The following NEGR1 variants were observed in gnomAD, a reference collection of about 807,000 sequenced individuals.
NEGR1 encodes the protein IgLON family member 4.
NEGR1 carries 10 observed loss-of-function variants against 40.9 expected under a neutral mutation model. The observed-to-expected ratio is 0.24, with a 90% CI of 0.15 to 0.42. The LOEUF (loss-of-function observed/expected upper bound fraction) is 0.42, where lower values mean the gene tolerates loss of function less well. Ranked by LOEUF, NEGR1 falls within the 10% of genes least tolerant of loss-of-function variation. The probability of loss-of-function intolerance (pLI) is 1.00; values close to 1 mark genes in which losing one functional copy is unlikely to be tolerated. For missense variants in NEGR1, 352 were observed against 438.9 expected (o/e 0.80, Z 1.77); for synonymous variants, 185 against 166.8 (o/e 1.11, Z -0.84).
intron 4 of NEGR1, among the ~76,000 whole-genome samples, chr1:71,620,849 A>T (rs894512507): frequency 6.6e-6 from 1 of 151,912 alleles, no homozygotes; most frequent in Non-Finnish European, 1.5e-5. Flanking sequence ...TTGCAGTGCA[A>T]CAAACGTAGC....
intron 1 of NEGR1, among the ~76,000 whole-genome samples, chr1:72,070,479 A>G (rs1405468945): frequency 6.6e-6 from 1 of 152,036 alleles, no homozygotes; most frequent in Admixed American, 6.6e-5. Context: ...CCCATGTTTC[A>G]ATTTTATTGC....
chr1:71,479,467 C>T (rs1476592064), intron 6 of NEGR1, among the ~76,000 whole-genome samples: 1 of 151,928 alleles, frequency 6.6e-6, no homozygotes, highest in Non-Finnish European at 1.5e-5. Flanking sequence ...AGAAAAAAGT[C>T]ATTATAAAAG....
chr1:71,914,024 A>C lies in NEGR1; in HGVS notation c.409+21055T>G, dbSNP rs1049719546. ...CATAACAATTGCTAAATTTAAAACA[A>C]AGACATTCTAATTTGAACAATATAA... On this transcript the variant is annotated intron_variant, in intron 2 of 6. Coordinates refer to ENST00000357731, the MANE Select transcript of NEGR1 (RefSeq NM_173808.3). 8.3e-4 allele frequency among the ~76,000 whole-genome samples: 126 copies of C among 152,174 alleles called. 1 individual carries two copies. Among genetic ancestry groups the C allele is most frequent in the African/African-American group, 3.0e-3 (124 of 41,438 alleles).
chr1:71,883,392 A>G (rs575909348), intron 2 of NEGR1, among the ~76,000 whole-genome samples: 1 of 152,230 alleles, frequency 6.6e-6, no homozygotes, highest in East Asian at 1.9e-4. Context: ...CTAATTTTAG[A>G]AGCTTTGTTA....
intron 1 of NEGR1, among the ~76,000 whole-genome samples, chr1:71,943,974 T>G (rs1434250475): frequency 6.6e-6 from 1 of 152,186 alleles, no homozygotes; most frequent in African/African-American, 2.4e-5. Context: ...CAAATTTGAG[T>G]GGTTTAAGGC....
At chr1:71,710,181 A>G (rs1300156924) in intron 3 of NEGR1, among the ~76,000 whole-genome samples, 1 of 152,204 alleles carries the variant, frequency 6.6e-6, no homozygotes, top group African/African-American at 2.4e-5. Flanking sequence ...AATCAAACCT[A>G]CTGTTATTAC....
At chr1:71,816,512 G>A (rs1658218402) in intron 2 of NEGR1, among the ~76,000 whole-genome samples, 1 of 151,952 alleles carries the variant, frequency 6.6e-6, no homozygotes, top group Non-Finnish European at 1.5e-5. Flanking sequence ...TTGTGCAGGG[G>A]AACTGCCCTT....
chr1:71,693,222 A>C (rs1015465371), intron 4 of NEGR1, among the ~76,000 whole-genome samples: 2 of 151,340 alleles, frequency 1.3e-5, no homozygotes, highest in Non-Finnish European at 3.0e-5. Context: ...ATATTTGGGG[A>C]GAAAAAAACA....
chr1:71,760,014 C>T (rs1224968187), intron 3 of NEGR1, among the ~76,000 whole-genome samples: 1 of 152,068 alleles, frequency 6.6e-6, no homozygotes, highest in South Asian at 2.1e-4. Context: ...AAGGGAAAGA[C>T]TCTTGAAAAA....
intron 1 of NEGR1, among the ~76,000 whole-genome samples, chr1:72,072,787 A>G (rs980450550): frequency 6.6e-6 from 1 of 152,106 alleles, no homozygotes; most frequent in Non-Finnish European, 1.5e-5. Context: ...TTGTGTTGCT[A>G]ATAGCATGAT....
chr1:72,231,403 G>C (rs1007326459), intron 1 of NEGR1, among the ~76,000 whole-genome samples: 1 of 152,014 alleles, frequency 6.6e-6, no homozygotes, highest in African/African-American at 2.4e-5. Flanking sequence ...CCATGATCTG[G>C]GACAAGTAAG....
intron 1 of NEGR1, among the ~76,000 whole-genome samples, chr1:72,023,066 T>A (rs1425708976): frequency 6.6e-6 from 1 of 152,204 alleles, no homozygotes; most frequent in Non-Finnish European, 1.5e-5. Flanking sequence ...GAAGTATGAA[T>A]AAAATCTGCA....
chr1:71,409,820 G>C (rs1646303524), intron 6 of NEGR1, among the ~76,000 whole-genome samples: 1 of 151,902 alleles, frequency 6.6e-6, no homozygotes. Context: ...GAGTATTTCT[G>C]TCCTACAAAA....
intron 1 of NEGR1, among the ~76,000 whole-genome samples, chr1:72,107,537 T>A (rs936780990): frequency 2.3e-4 from 35 of 151,602 alleles, no homozygotes; most frequent in African/African-American, 7.5e-4. Flanking sequence ...AATTTTAGAT[T>A]TTTTTTAGGC....
intron 1 of NEGR1, among the ~76,000 whole-genome samples, chr1:72,148,394 G>T (rs7517923): frequency 0.42 from 63,006 of 151,662 alleles, 14,274 homozygotes; most frequent in Admixed American, 0.55. Flanking sequence ...GGACCTAGGG[G>T]TCTAAGTCTC....
At chr1:72,015,118 T>TAA (rs35654146) in intron 1 of NEGR1, among the ~76,000 whole-genome samples, 1 of 151,780 alleles carries the variant, frequency 6.6e-6, no homozygotes, top group African/African-American at 2.4e-5. Flanking sequence ...GTCACACTAA[T>TAA]GAGTTAAACT....
intron 5 of NEGR1, 139 bp downstream of exon 5, chr1:71,610,887 C>T: frequency 1.3e-6 from 1 of 752,152 alleles, no homozygotes; most frequent in African/African-American, 1.7e-5. Flanking sequence ...CCACGTGGGC[C>T]CCTTCAGTTT....
intron 6 of NEGR1, among the ~76,000 whole-genome samples, chr1:71,418,911 A>G (rs1646374742): frequency 6.6e-6 from 1 of 152,210 alleles, no homozygotes; most frequent in Non-Finnish European, 1.5e-5. Flanking sequence ...TTATTTCCAT[A>G]TGAGATAAAT....
chr1:72,164,370 T>C (rs1291275814), intron 1 of NEGR1, among the ~76,000 whole-genome samples: 1 of 152,030 alleles, frequency 6.6e-6, no homozygotes, highest in Non-Finnish European at 1.5e-5. Context: ...TATTGCTATC[T>C]GTTTAGCAAG....
Sources: allele counts gnomAD v4.1 joint callset (sites outside exome capture counted in the v4.1 genomes callset), GRCh38; gene constraint gnomAD v4.1.1; transcripts MANE v1.5; gene names NCBI Gene and HGNC (gene_info 2026-07-23, HGNC 2026-07-21).